Variants in SMURF2 observed in about 807,000 individuals in gnomAD.
SMURF2 encodes SMAD specific E3 ubiquitin protein ligase 2.
Under a neutral mutation model 109.6 loss-of-function variants are expected in SMURF2, and 48 were observed. The ratio of observed to expected loss-of-function variants is 0.44; its 90% CI spans 0.35 to 0.56. SMURF2 has a LOEUF of 0.56. SMURF2 is among the 20% of genes least tolerant of loss of function. The pLI, the probability that SMURF2 is intolerant of heterozygous loss-of-function variation, is 0.01. For missense variants in SMURF2, 575 were observed against 909.0 expected (o/e 0.63, Z 4.72); for synonymous variants, 288 against 317.1 (o/e 0.91, Z 0.97).
intron 4 of SMURF2, among the ~76,000 whole-genome samples, chr17:64,592,696 C>CA (rs1461950816): frequency 2.6e-5 from 4 of 151,604 alleles, no homozygotes; most frequent in South Asian, 2.1e-4. Flanking sequence ...AACAAACACA[C>CA]AAAAAAAACC....
At chr17:64,614,850 A>G (rs1466520642) in intron 1 of SMURF2, among the ~76,000 whole-genome samples, 1 of 152,252 alleles carries the variant, frequency 6.6e-6, no homozygotes, top group African/African-American at 2.4e-5. Flanking sequence ...CAGGTCAGGT[A>G]TAATTCAAAT....
Position 64,562,758 on chromosome 17 carries a change from C to T in SMURF2, c.1212+13G>A, listed in dbSNP as rs1242130784. ...AAAAAAATAGTAAAACAAAATAAGG[C>T]TCGTAAATTTACCTCAAAAATCTCT... On this transcript the variant is annotated intron_variant, in intron 11 of 18. Transcript: ENST00000262435. 1.2e-6 allele frequency: 2 copies of T among 1,609,488 alleles called. No individual in the cohort carries two copies. The highest frequency in any genetic ancestry group is 1.7e-6 in the Non-Finnish European group (2 of 1,177,572).
intron 2 of SMURF2, among the ~76,000 whole-genome samples, chr17:64,598,776 C>A (rs782012953): frequency 1.3e-5 from 2 of 152,204 alleles, no homozygotes; most frequent in African/African-American, 2.4e-5. Context: ...TTGTTACCAG[C>A]CCTCTGACCC....
chr17:64,591,966 C>A (rs146685819), intron 4 of SMURF2, among the ~76,000 whole-genome samples: 1 of 152,206 alleles, frequency 6.6e-6, no homozygotes, highest in African/African-American at 2.4e-5. Flanking sequence ...GAAGCAGTCA[C>A]AAGAAACAGA....
chr17:64,603,762 T>C (rs1324215963), intron 2 of SMURF2, among the ~76,000 whole-genome samples: 8 of 152,122 alleles, frequency 5.3e-5, no homozygotes, highest in Admixed American at 5.2e-4. Context: ...GCCAATAAGC[T>C]TGAAAACAGT....
chr17:64,593,334 AT>A (rs1395889239), intron 4 of SMURF2, 105 bp downstream of exon 4: 6 of 897,054 alleles, frequency 6.7e-6, no homozygotes, highest in Non-Finnish European at 8.8e-6. Flanking sequence ...TTAAATATAT[AT>A]TTGAGGATAC....
At chr17:64,609,151 G>A (rs774029083) in intron 1 of SMURF2, among the ~76,000 whole-genome samples, 5 of 152,112 alleles carry the variant, frequency 3.3e-5, no homozygotes, top group Admixed American at 6.6e-5. Context: ...AACATTCCAT[G>A]TTCATGGATA....
intron 1 of SMURF2, among the ~76,000 whole-genome samples, chr17:64,625,535 T>A (rs1970255901): frequency 6.6e-6 from 1 of 152,228 alleles, no homozygotes; most frequent in South Asian, 2.1e-4. Flanking sequence ...TTTATGACAC[T>A]AGCAAATTAA....
At chr17:64,613,682 G>T (rs1970077214) in intron 1 of SMURF2, among the ~76,000 whole-genome samples, 1 of 84,414 alleles carries the variant, frequency 1.2e-5, no homozygotes, top group East Asian at 3.2e-4. Context: ...CAGTGTGTGT[G>T]TGTGTGTGTG....
chr17:64,562,860 T>G lies in SMURF2; in HGVS notation c.1123A>C (p.Lys375Gln), dbSNP rs1555684655. The G allele has an allele frequency of 6.2e-7, 1 of 1,614,196 alleles. No homozygotes were observed. The highest frequency in any genetic ancestry group is 8.5e-7 in the Non-Finnish European group (1 of 1,180,012). Residue 375 changes from lysine to glutamine, a missense_variant, in exon 11 of 19, where the codon AAA becomes CAA. Coordinates refer to ENST00000262435, the MANE Select transcript of SMURF2 (RefSeq NM_022739.4). ...AGTTCTTGCCGCAAAATTTTTAGTT[T>G]CTGAACCAGGTCTCGCTTGTACCTT... ...VPRYKRDLVQ[K>Q]LKILRQELSQ...
intron 1 of SMURF2, among the ~76,000 whole-genome samples, chr17:64,642,826 CCT>C (rs1555692693): frequency 6.6e-6 from 1 of 151,908 alleles, no homozygotes; most frequent in East Asian, 1.9e-4. Context: ...ACAGGGTCTT[CCT>C]CTGTCGCCCC....
At chr17:64,639,984 T>G (rs1251848116) in intron 1 of SMURF2, among the ~76,000 whole-genome samples, 1 of 152,212 alleles carries the variant, frequency 6.6e-6, no homozygotes, top group Non-Finnish European at 1.5e-5. Context: ...TTATAACAAA[T>G]ATACCATACT....
At chr17:64,624,550 G>T (rs919224286) in intron 1 of SMURF2, among the ~76,000 whole-genome samples, 1 of 149,286 alleles carries the variant, frequency 6.7e-6, no homozygotes, top group Non-Finnish European at 1.5e-5. Context: ...AGCAAGGTTT[G>T]GTGGCAAATG....
chr17:64,614,577 C>T (rs530608002), intron 1 of SMURF2, among the ~76,000 whole-genome samples: 2 of 152,294 alleles, frequency 1.3e-5, no homozygotes, highest in South Asian at 4.1e-4. Flanking sequence ...AGCTATTGTA[C>T]TCACTCCTTT....
chr17:64,645,479 T>G (rs371243054), intron 1 of SMURF2, among the ~76,000 whole-genome samples: 1 of 152,130 alleles, frequency 6.6e-6, no homozygotes, highest in Non-Finnish European at 1.5e-5. Context: ...GTTGAGCCCA[T>G]GAGTTTAAGG....
intron 1 of SMURF2, among the ~76,000 whole-genome samples, chr17:64,627,608 T>A (rs1250593241): frequency 6.6e-6 from 1 of 152,172 alleles, no homozygotes; most frequent in Non-Finnish European, 1.5e-5. Flanking sequence ...TCCAAATGAC[T>A]ACTAAACTCT....
chr17:64,639,331 C>T (rs1215278327), intron 1 of SMURF2, among the ~76,000 whole-genome samples: 3 of 152,100 alleles, frequency 2.0e-5, no homozygotes, highest in Non-Finnish European at 4.4e-5. Flanking sequence ...AATCCCAGCA[C>T]TTTGGGAGGC....
At chr17:64,613,980 AG>A (rs1213186593) in intron 1 of SMURF2, among the ~76,000 whole-genome samples, 2 of 151,952 alleles carry the variant, frequency 1.3e-5, no homozygotes, top group Non-Finnish European at 2.9e-5. Context: ...TCTTATAAGG[AG>A]GGGCAACCTA....
intron 1 of SMURF2, among the ~76,000 whole-genome samples, chr17:64,635,390 T>C (rs1446484619): frequency 6.6e-6 from 1 of 152,054 alleles, no homozygotes; most frequent in African/African-American, 2.4e-5. Context: ...ACTGTATAAT[T>C]CAATAATTTT....
Sources: gnomAD v4.1 joint callset for allele counts (sites outside exome capture counted in the v4.1 genomes callset) on GRCh38, gnomAD v4.1.1 for gene constraint, MANE v1.5 for transcripts, NCBI Gene and HGNC (gene_info 2026-07-23, HGNC 2026-07-21) for gene names.